CEP350: variants seen among roughly 807,000 people sequenced by gnomAD.
CEP350 encodes centrosome-associated protein 350.
In CEP350, 126 loss-of-function variants were observed where a neutral mutation model predicts 331.8. The ratio of observed to expected loss-of-function variants is 0.38; its 90% CI spans 0.33 to 0.44. The LOEUF is 0.44. CEP350 is among the 20% of genes least tolerant of loss of function. CEP350 has a pLI of 1.00. For synonymous variants in CEP350, 1,200 were observed against 1,259.5 expected (o/e 0.95, Z 1.00); for missense variants, 3,406 against 3,634.6 (o/e 0.94, Z 1.62).
At chr1:180,075,333 T>A (rs1163723907) in intron 28 of CEP350, 112 bp downstream of exon 28, 2 of 1,127,310 alleles carry the variant, frequency 1.8e-6, no homozygotes, top group Admixed American at 2.9e-5. Context: ...ACGCCTGTAA[T>A]CCTAACACTT....
Position 179,987,001 on chromosome 1 carries a change from C to T in CEP350, c.74-239C>T, listed in dbSNP as rs1300517802. 5.3e-5 allele frequency among the ~76,000 whole-genome samples: 8 copies of T among 152,138 alleles called. No homozygotes were observed. In the East Asian group the frequency reaches 1.5e-3, roughly 29 times the overall value. On this transcript the variant is annotated intron_variant, in intron 2 of 37. Coordinates refer to ENST00000367607, the MANE Select transcript of CEP350 (RefSeq NM_014810.5). ...ACAGGTGTGAGTGGAAATGCCAGTC[C>T]AATGGTAGCAGTGTCTGTTTACCTT...
In CEP350 at chr1:180,092,860, C is replaced by A; in HGVS notation, c.6755C>A (p.Ser2252Tyr). The change falls in exon 34 of 38, where the codon TCT becomes TAT. Residue 2252 changes from serine to tyrosine, a missense_variant. By Grantham distance (144) the Ser-to-Tyr change is moderately radical. This residue lies in a region of CEP350 where 1,415 missense variants were observed against 1,512.3 expected (regional missense o/e 0.94). Coordinates refer to ENST00000367607, the MANE Select transcript of CEP350 (RefSeq NM_014810.5). ...LDMSDGKVGE[S>Y]SKKSEIKEIE... ...ATGTCAGATGGCAAGGTTGGAGAAT[C>A]TAGTAAAAAATCAGAAATAAAAGAA... 1.9e-6 allele frequency: 3 copies of A among 1,567,188 alleles called. No homozygotes were observed. Among genetic ancestry groups the A allele is most frequent in the East Asian group, 2.3e-5 (1 of 42,724 alleles).
rs772167849 is a variant in CEP350, at chr1:179,996,732, C to G, written c.575C>G (p.Thr192Arg). ...ESSQSSVIND[T>R]VVRFLNDRPA... is the part of the protein sequence containing the mutation. ...TCCCAATCATCTGTCATCAATGATACAGTTGTTAGGTTTTTAAATGATCGA... is the reference window on the plus strand; with the variant it reads ...TCCCAATCATCTGTCATCAATGATAGAGTTGTTAGGTTTTTAAATGATCGA... Residue 192 changes from threonine to arginine, a missense_variant, in exon 6 of 38, where the codon ACA becomes AGA. This residue lies in a region of CEP350 where 1,857 missense variants were observed against 1,909.2 expected (regional missense o/e 0.97). Transcript: ENST00000367607. The G allele has an allele frequency of 2.5e-6, 4 of 1,613,438 alleles. No individual in the cohort carries two copies. The highest frequency in any genetic ancestry group is 1.7e-5 in the Admixed American group (1 of 59,962).
Position 179,993,622 on chromosome 1 carries a change from C to T in CEP350, c.395+1401C>T, listed in dbSNP as rs559620967. Among the ~76,000 whole-genome samples, 4 of 151,958 alleles carry T rather than the reference C, an allele frequency of 2.6e-5. No individual in the cohort carries two copies. The East Asian group carries it at 7.7e-4, about 29-fold the overall frequency. On this transcript the variant is annotated intron_variant, in intron 5 of 37. Coordinates refer to ENST00000367607, the MANE Select transcript of CEP350 (RefSeq NM_014810.5). ...TATTTTTGGTAGAGGCGGGGTTTCA[C>T]CATATTGCCCAGGGTGGTCTTGAAC...
At chr1:179,991,113 G>A (rs1446798462) in intron 4 of CEP350, among the ~76,000 whole-genome samples, 1 of 151,536 alleles carries the variant, frequency 6.6e-6, no homozygotes, top group Non-Finnish European at 1.5e-5. Flanking sequence ...TCATTTTGAG[G>A]TTATATATGT....
chr1:179,981,471 T>C (rs190017501), intron 1 of CEP350, among the ~76,000 whole-genome samples: 1 of 152,322 alleles, frequency 6.6e-6, no homozygotes, highest in African/African-American at 2.4e-5. Context: ...AGTAAACCTT[T>C]TGATAGATTA....
rs573633544 is a variant in CEP350 at position 179,967,139 on chromosome 1, A to G, written c.-14+11997A>G. On this transcript the variant is annotated intron_variant, in intron 1 of 37. Transcript: ENST00000367607. The stretch of plus-strand genomic sequence containing the variant: ...CTCTGAAAATGTGTACAGTTGCTCT[A>G]TTTTTGTATGATAAGTTATTAAATG... Among the ~76,000 whole-genome samples the G allele has an allele frequency of 7.4e-4, 113 of 152,306 alleles. 2 individuals are homozygous for G. Among genetic ancestry groups the G allele is most frequent in the African/African-American group, 2.6e-3 (110 of 41,560 alleles).
intron 29 of CEP350, among the ~76,000 whole-genome samples, chr1:180,080,076 C>G (rs1249506330): frequency 6.6e-6 from 1 of 152,118 alleles, no homozygotes; most frequent in Admixed American, 6.5e-5. Flanking sequence ...CACCTGATGT[C>G]AGGATAGAAA....
intron 12 of CEP350, among the ~76,000 whole-genome samples, chr1:180,021,674 CTAAG>C (rs1655334664): frequency 6.6e-6 from 1 of 151,714 alleles, no homozygotes; most frequent in Admixed American, 6.6e-5. Flanking sequence ...AGAAAAGAAA[CTAAG>C]TATGTTTCTT....
chr1:180,048,248 C>A (rs1401360014), intron 21 of CEP350, among the ~76,000 whole-genome samples: 1 of 152,034 alleles, frequency 6.6e-6, no homozygotes, highest in Non-Finnish European at 1.5e-5. Context: ...GCTCCCTTTC[C>A]CAGAAGTTTG....
At chr1:180,091,400 CT>C (rs1055173485) in intron 33 of CEP350, among the ~76,000 whole-genome samples, 29 of 152,070 alleles carry the variant, frequency 1.9e-4, no homozygotes, top group African/African-American at 7.0e-4. Flanking sequence ...GATTAAATAG[CT>C]GAGTATATCA....
intron 1 of CEP350, among the ~76,000 whole-genome samples, chr1:179,968,361 TATCTCTGC>T (rs1651183087): frequency 1.4e-5 from 2 of 147,672 alleles, no homozygotes; most frequent in South Asian, 2.1e-4. Flanking sequence ...AGGAATAAAA[TATCTCTGC>T]ATCTCTGCAG....
At position 180,094,113 on chromosome 1, in the gene CEP350, A is replaced by G. The variant is rs142430695; in HGVS notation, c.8008A>G (p.Ile2670Val). The G allele has an allele frequency of 1.4e-4, 234 of 1,613,884 alleles. No individual in the cohort carries two copies. In the East Asian group the frequency reaches 4.7e-3, roughly 33 times the overall value. The change falls in exon 34 of 38, where the codon ATT (isoleucine) becomes GTT (valine). Residue 2670 changes from isoleucine to valine, a missense_variant. By Grantham distance (29) the Ile-to-Val change is conservative (BLOSUM62 3). Around this residue, in one of 5 missense-constraint regions of CEP350, gnomAD observed 1,415 missense variants for 1,512.3 expected, o/e 0.94. Transcript: ENST00000367607. ...TTCTTCAAAGGAAAACAAAGACCTC[A>G]TTTCTGATGCCACAGAAAAGGTTTC... ...QISSKENKDL[I>V]SDATEKVSIA...
rs1660331213 is a variant in CEP350 at position 180,093,850 on chromosome 1, G to A, written c.7745G>A (p.Cys2582Tyr). ...GTAGACATTAATGAAGATGAAGACT[G>A]TTACTCAGATGAACGATATCAGTGC... ...DYVDINEDED[C>Y]YSDERYQCYN... The change falls in exon 34 of 38, where the codon TGT (cysteine) becomes TAT (tyrosine). Residue 2582 changes from cysteine (C) to tyrosine (Y), a missense_variant. Transcript: ENST00000367607. The A allele has an allele frequency of 6.2e-7, 1 of 1,613,830 alleles. No individual in the cohort carries two copies. The highest frequency in any genetic ancestry group is 8.5e-7 in the Non-Finnish European group (1 of 1,179,870).
intron 6 of CEP350, among the ~76,000 whole-genome samples, chr1:180,002,260 G>A (rs1250106910): frequency 6.6e-6 from 1 of 152,156 alleles, no homozygotes; most frequent in African/African-American, 2.4e-5. Context: ...GATCACTTGA[G>A]GTCAGGAGTT....
chr1:180,090,898 A>G, intron 33 of CEP350, 102 bp downstream of exon 33: 1 of 989,006 alleles, frequency 1.0e-6, no homozygotes, highest in Non-Finnish European at 1.4e-6. Context: ...TTAAAAAGTG[A>G]ATTTCTTAAG....
At chr1:180,100,438 G>T (rs188097597) in intron 37 of CEP350, among the ~76,000 whole-genome samples, 1 of 152,128 alleles carries the variant, frequency 6.6e-6, no homozygotes, top group Non-Finnish European at 1.5e-5. Flanking sequence ...AAAGAAAAAA[G>T]CATATTAAGA....
At chr1:180,087,851 G>A in intron 32 of CEP350, 134 bp downstream of exon 32, 1 of 993,908 alleles carries the variant, frequency 1.0e-6, no homozygotes, top group Non-Finnish European at 1.3e-6. Context: ...TTTAGTGTCA[G>A]TAAATTAAAA....
chr1:179,996,771 C>G lies in CEP350; in HGVS notation c.614C>G (p.Ala205Gly). Residue 205 changes from alanine (A) to glycine (G), a missense_variant, in exon 6 of 38, where the codon GCA (alanine) becomes GGA (glycine). Ala to Gly is a moderately conservative substitution (Grantham distance 60). Around this residue, in one of 5 missense-constraint regions of CEP350, gnomAD observed 1,857 missense variants for 1,909.2 expected, o/e 0.97. Transcript: ENST00000367607. ...TTAAATGATCGACCAGCAATTGATG[C>G]ATTGCAAAATTCTGAATGTTTGATT... Reference protein sequence around the residue: ...RFLNDRPAIDALQNSECLIRM... With the variant: ...RFLNDRPAIDGLQNSECLIRM... 1 of 1,613,004 alleles carries G rather than the reference C, an allele frequency of 6.2e-7. No individual in the cohort carries two copies. Among genetic ancestry groups the G allele is most frequent in the Admixed American group, 1.7e-5 (1 of 59,978 alleles).
Sources: allele counts gnomAD v4.1 joint callset (sites outside exome capture counted in the v4.1 genomes callset), GRCh38; gene constraint gnomAD v4.1.1; regional missense constraint gnomAD v4.1.1; transcripts MANE v1.5; gene names NCBI Gene and HGNC (gene_info 2026-07-23, HGNC 2026-07-21).